INTS7: variants seen among roughly 807,000 people sequenced by gnomAD.
INTS7 encodes the protein chromosome 1 open reading frame 73.
Under a neutral mutation model 109.2 loss-of-function variants are expected in INTS7, and 46 were observed. The observed-to-expected ratio is 0.42, with a 90% CI of 0.33 to 0.54. INTS7 has a LOEUF of 0.54. INTS7 is among the 20% of genes least tolerant of loss of function. INTS7 has a pLI of 0.07. For synonymous variants in INTS7, 412 were observed against 402.9 expected (o/e 1.02, Z -0.27); for missense variants, 929 against 1,132.4 (o/e 0.82, Z 2.58).
At position 212,010,907 on chromosome 1, in the gene INTS7, C is replaced by G. The variant is rs74626434; in HGVS notation, c.556+468G>C. On this transcript the variant is annotated intron_variant, in intron 5 of 19. Coordinates refer to ENST00000366994, the MANE Select transcript of INTS7 (RefSeq NM_015434.4). ...CTCACACAGGATCCCCATTGTTAAG[C>G]AATGCAAGACTATATCTGCATGGCT... Among the ~76,000 whole-genome samples, 1,458 of 152,244 alleles carry G rather than the reference C, an allele frequency of 9.6e-3. 29 individuals carry two copies. The highest frequency in any genetic ancestry group is 0.033 in the African/African-American group (1,365 of 41,526).
At chr1:211,989,687 T>C (rs959767543) in intron 7 of INTS7, among the ~76,000 whole-genome samples, 2 of 151,858 alleles carry the variant, frequency 1.3e-5, no homozygotes, top group Non-Finnish European at 1.5e-5. Context: ...CCGGGTGTGG[T>C]GGTGCACACC....
At chr1:211,950,124 T>C (rs1195832038) in intron 17 of INTS7, among the ~76,000 whole-genome samples, 1 of 152,264 alleles carries the variant, frequency 6.6e-6, no homozygotes, top group East Asian at 1.9e-4. Flanking sequence ...TCTTAGACTA[T>C]GGACAACTTG....
chr1:211,972,357 T>C (rs190220502), intron 13 of INTS7, among the ~76,000 whole-genome samples: 1 of 152,330 alleles, frequency 6.6e-6, no homozygotes, highest in Admixed American at 6.5e-5. Context: ...TGAATATCAC[T>C]AGTTTGAAAA....
intron 1 of INTS7, among the ~76,000 whole-genome samples, chr1:212,026,763 A>G (rs563285249): frequency 6.6e-6 from 1 of 152,338 alleles, no homozygotes; most frequent in South Asian, 2.1e-4. Flanking sequence ...TCAGTAGCTG[A>G]GTTAGATACA....
intron 16 of INTS7, among the ~76,000 whole-genome samples, chr1:211,963,492 G>A (rs1273272653): frequency 2.0e-5 from 3 of 152,158 alleles, no homozygotes; most frequent in Non-Finnish European, 2.9e-5. Context: ...ACTCATCTAC[G>A]AGGCCAGCAT....
At chr1:211,998,795 T>G (rs964543486) in intron 7 of INTS7, among the ~76,000 whole-genome samples, 4 of 151,864 alleles carry the variant, frequency 2.6e-5, no homozygotes, top group African/African-American at 9.7e-5. Flanking sequence ...ATATCAAGAA[T>G]ATATAAATAA....
intron 17 of INTS7, among the ~76,000 whole-genome samples, chr1:211,948,869 G>A (rs1662959255): frequency 6.6e-6 from 1 of 152,164 alleles, no homozygotes; most frequent in South Asian, 2.1e-4. Flanking sequence ...CACCACGCCT[G>A]GCTAACTTTG....
Position 212,017,014 on chromosome 1 carries a change from T to A in INTS7, c.381A>T (p.Gly127=). Reference sequence around the variant, plus strand: ...TCTCAGGAATTATTGATGCCAGACTTCCCAACATCCTACAGAAACAGAGAA... The same window carrying A: ...TCTCAGGAATTATTGATGCCAGACTACCCAACATCCTACAGAAACAGAGAA... The part of the protein sequence containing the change: ...VARAITLRML[G]SLASIIPERK... Residue 127 remains glycine (G), a synonymous_variant, in exon 4 of 20, where the codon GGA becomes GGT. Transcript: ENST00000366994. The A allele has an allele frequency of 6.3e-7, 1 of 1,592,264 alleles. No individual in the cohort carries two copies. The highest frequency in any genetic ancestry group is 8.5e-7 in the Non-Finnish European group (1 of 1,172,112).
rs574882525 is a variant in INTS7 at position 212,028,748 on chromosome 1, T to C, written c.94+6596A>G. On this transcript the variant is annotated intron_variant, in intron 1 of 19. Coordinates refer to ENST00000366994, the MANE Select transcript of INTS7 (RefSeq NM_015434.4). The stretch of plus-strand genomic sequence containing the variant: ...ATGATGATACACATGAAGTGCTTAT[T>C]CTGTGCCAGTCACTTTAAGCACTTT... Among the ~76,000 whole-genome samples the C allele has an allele frequency of 4.6e-5, 7 of 152,360 alleles. No individual in the cohort carries two copies. The East Asian group carries it at 1.3e-3, about 29-fold the overall frequency.
At chr1:212,031,618 A>G (rs1667167144) in intron 1 of INTS7, among the ~76,000 whole-genome samples, 2 of 152,320 alleles carry the variant, frequency 1.3e-5, no homozygotes, top group East Asian at 3.9e-4. Flanking sequence ...TTTGTATGCA[A>G]TCTCCTTAAA....
chr1:212,033,547 G>T (rs1365806846), intron 1 of INTS7, among the ~76,000 whole-genome samples: 6 of 152,150 alleles, frequency 3.9e-5, no homozygotes, highest in South Asian at 2.1e-4. Context: ...AAAAATTGTG[G>T]TTTTTTTCTT....
chr1:211,961,323 C>CT (rs1386165599), intron 16 of INTS7, among the ~76,000 whole-genome samples: 5 of 151,952 alleles, frequency 3.3e-5, no homozygotes, highest in Non-Finnish European at 7.4e-5. Context: ...AAAAAGGCAG[C>CT]TAGAAAGGTC....
intron 5 of INTS7, 82 bp from the exon 6 acceptor site, chr1:212,007,531 G>A: frequency 9.7e-7 from 1 of 1,034,892 alleles, no homozygotes; most frequent in Admixed American, 1.8e-5. Context: ...GACTCATTTA[G>A]CAAAATTGCA....
chr1:212,019,279 C>A (rs908290340), intron 3 of INTS7, among the ~76,000 whole-genome samples: 1 of 151,256 alleles, frequency 6.6e-6, no homozygotes, highest in East Asian at 1.9e-4. Context: ...TTAATTAATT[C>A]GATTGAATAT....
intron 1 of INTS7, among the ~76,000 whole-genome samples, chr1:212,022,815 T>G (rs577071885): frequency 6.6e-6 from 1 of 152,320 alleles, no homozygotes; most frequent in Admixed American, 6.5e-5. Flanking sequence ...TGTGAGATGC[T>G]GAAGTCTGGG....
At chr1:211,953,572 C>T (rs1444150555) in intron 16 of INTS7, among the ~76,000 whole-genome samples, 4 of 128,296 alleles carry the variant, frequency 3.1e-5, no homozygotes, top group Non-Finnish European at 6.4e-5. Context: ...CACAACAGTC[C>T]CTAGAGTGTG....
chr1:211,987,862 T>C lies in INTS7; in HGVS notation c.997+24A>G, dbSNP rs565448137. On this transcript the variant is annotated intron_variant, in intron 8 of 19. Transcript: ENST00000366994. ...TAAAGGAGTTAGCACATTATTTATA[T>C]GGTATCTCCTGTCTTTTCCTTACCT... 4.8e-5 allele frequency: 60 copies of C among 1,255,130 alleles called. No individual in the cohort carries two copies. The Admixed American group carries it at 1.0e-3, about 21-fold the overall frequency. The allele number at this position is 1,255,130 out of a possible 1,614,324, so 77.7% of individuals were successfully genotyped here. A position where few individuals can be genotyped will look rare whatever the true frequency, so the allele number is the denominator to read the frequency against.
intron 7 of INTS7, among the ~76,000 whole-genome samples, chr1:211,991,062 T>G (rs187292906): frequency 1.3e-5 from 2 of 152,242 alleles, no homozygotes; most frequent in African/African-American, 2.4e-5. Flanking sequence ...TGAATGAGTA[T>G]GACAGACATT....
rs1307173626 is a variant in INTS7 at position 211,951,738 on chromosome 1, G to A, written c.2316+831C>T. 3.3e-5 allele frequency among the ~76,000 whole-genome samples: 5 copies of A among 152,226 alleles called. No individual in the cohort carries two copies. The South Asian group carries it at 1.0e-3, about 31-fold the overall frequency. On this transcript the variant is annotated intron_variant, in intron 17 of 19. Transcript: ENST00000366994. ...TCCTCACCAGGAACCGAATCTGCTG[G>A]CAGCTTGATACTGGACTTTCCTGCC...
Sources: gnomAD v4.1 joint callset for allele counts (sites outside exome capture counted in the v4.1 genomes callset) on GRCh38, gnomAD v4.1.1 for gene constraint, MANE v1.5 for transcripts, NCBI Gene and HGNC (gene_info 2026-07-23, HGNC 2026-07-21) for gene names.